Variants in NUDCD1 observed in about 807,000 individuals in gnomAD.
The protein encoded by NUDCD1 is nudC domain-containing protein 1.
A neutral mutation model predicts 67.8 loss-of-function variants in NUDCD1; 60 were observed. The ratio of observed to expected loss-of-function variants is 0.88; its 90% CI spans 0.72 to 1.10. The LOEUF is 1.10. Ranked by LOEUF, NUDCD1 falls within the 50% of genes least tolerant of loss-of-function variation. NUDCD1 has a pLI of 0.00. For missense variants in NUDCD1, 643 were observed against 695.0 expected (o/e 0.93, Z 0.84); for synonymous variants, 244 against 230.8 (o/e 1.06, Z -0.52).
chr8:109,266,353 G>A (rs1032491905), intron 8 of NUDCD1, among the ~76,000 whole-genome samples: 1 of 147,170 alleles, frequency 6.8e-6, no homozygotes, highest in African/African-American at 2.5e-5. Flanking sequence ...AGCCTCCCAA[G>A]TAGCTGGGAC....
At chr8:109,257,830 T>A (rs1268170013) in intron 8 of NUDCD1, among the ~76,000 whole-genome samples, 6 of 152,100 alleles carry the variant, frequency 3.9e-5, no homozygotes, top group African/African-American at 9.7e-5. Context: ...AGATAGCATA[T>A]AAATACATGT....
intron 1 of NUDCD1, among the ~76,000 whole-genome samples, chr8:109,324,250 C>T (rs1415697179): frequency 6.6e-6 from 1 of 150,796 alleles, no homozygotes; most frequent in Non-Finnish European, 1.5e-5. Flanking sequence ...TCTTAATAGA[C>T]ATTTCTCAAA....
At position 109,241,419 on chromosome 8, in the gene NUDCD1, G is replaced by A. The variant is rs1201504590; in HGVS notation, c.*1590C>T. On this transcript the variant is annotated 3_prime_UTR_variant, in exon 10 of 10. Transcript: ENST00000239690. ...TTTTTAATAATTCACTATTTAAATG[G>A]TCTTTTGTTTCATGAAGTTTTACAA... 1 of 151,978 alleles carries A rather than the reference G, an allele frequency of 6.6e-6. No homozygotes were observed. The highest frequency in any genetic ancestry group is 1.5e-5 in the Non-Finnish European group (1 of 67,982). 9.4% of individuals were successfully genotyped at this position (151,978 alleles called of 1,614,324 possible). A position where few individuals can be genotyped will look rare whatever the true frequency, so the allele number is the denominator to read the frequency against.
intron 1 of NUDCD1, among the ~76,000 whole-genome samples, chr8:109,323,382 T>C (rs951517464): frequency 6.6e-6 from 1 of 152,034 alleles, no homozygotes; most frequent in East Asian, 1.9e-4. Flanking sequence ...TAAAAATAAA[T>C]AAATAAAATT....
intron 4 of NUDCD1, among the ~76,000 whole-genome samples, chr8:109,291,679 G>C (rs2130024131): frequency 6.6e-6 from 1 of 152,154 alleles, no homozygotes; most frequent in East Asian, 1.9e-4. Flanking sequence ...AAAGATAAAG[G>C]GAACAATAAA....
intron 1 of NUDCD1, among the ~76,000 whole-genome samples, chr8:109,327,009 T>A (rs535368367): frequency 4.6e-5 from 7 of 152,320 alleles, no homozygotes; most frequent in African/African-American, 1.7e-4. Flanking sequence ...GTCTAATATT[T>A]ACATAAGCAA....
chr8:109,268,695 A>G (rs566113061), intron 8 of NUDCD1, among the ~76,000 whole-genome samples: 2 of 152,312 alleles, frequency 1.3e-5, no homozygotes, highest in South Asian at 2.1e-4. Context: ...ACCTAAAACT[A>G]TAACGTTAAG....
At chr8:109,333,373 G>A (rs76011106) in intron 1 of NUDCD1, among the ~76,000 whole-genome samples, 6,904 of 152,220 alleles carry the variant, frequency 0.045, 548 homozygotes, top group African/African-American at 0.16. Flanking sequence ...ATCTTCTAGA[G>A]ATGTTCTCTA....
chr8:109,309,263 T>A (rs1416719392), intron 2 of NUDCD1, among the ~76,000 whole-genome samples: 2 of 152,196 alleles, frequency 1.3e-5, no homozygotes, highest in Non-Finnish European at 2.9e-5. Flanking sequence ...TAATCCACCA[T>A]GATCAAGTGG....
rs1336111034 is a variant in NUDCD1 at position 109,243,188 on chromosome 8, G to A, written c.1573C>T (p.Pro525Ser). Reference sequence around the variant, plus strand: ...CTGTTGTAAAGTACAGTGGACATGGGAGCAGGCTGACGATAGATGAATACT... The same window carrying A: ...CTGTTGTAAAGTACAGTGGACATGGAAGCAGGCTGACGATAGATGAATACT... The part of the protein sequence containing the change: ...RRVFIYRQPA[P>S]MSTVLYNRKE... Residue 525 changes from proline (P) to serine (S), a missense_variant, in exon 10 of 10, where the codon CCC becomes TCC. Coordinates refer to ENST00000239690, the MANE Select transcript of NUDCD1 (RefSeq NM_032869.4). The A allele has an allele frequency of 1.9e-6, 3 of 1,613,654 alleles. No individual in the cohort carries two copies. Among genetic ancestry groups the A allele is most frequent in the East Asian group, 2.2e-5 (1 of 44,890 alleles).
chr8:109,278,822 T>G (rs1431395210), intron 6 of NUDCD1, among the ~76,000 whole-genome samples: 1 of 152,234 alleles, frequency 6.6e-6, no homozygotes, highest in African/African-American at 2.4e-5. Context: ...TTTCTGGCTT[T>G]TATAAGTATG....
chr8:109,323,700 G>A (rs1380508838), intron 1 of NUDCD1, among the ~76,000 whole-genome samples: 1 of 151,978 alleles, frequency 6.6e-6, no homozygotes. Context: ...ACTTCTACAA[G>A]AAAACTACAA....
chr8:109,263,071 A>AAAAAAAAAC (rs1554611972), intron 8 of NUDCD1, among the ~76,000 whole-genome samples: 3 of 150,192 alleles, frequency 2.0e-5, no homozygotes, highest in Admixed American at 6.6e-5. Context: ...AAAAAAAAAA[A>AAAAAAAAAC]AAAAAAAACC....
chr8:109,263,054 CAA>C (rs59659347), intron 8 of NUDCD1, among the ~76,000 whole-genome samples: 168 of 41,988 alleles, frequency 4.0e-3, no homozygotes, highest in African/African-American at 0.014. Flanking sequence ...GACTCTGTCT[CAA>C]AAAAAAAAAA....
In NUDCD1 at chr8:109,287,768, G is replaced by A. The variant is rs80276443; in HGVS notation, c.823+1983C>T. Among the ~76,000 whole-genome samples, 321 of 152,166 alleles carry A rather than the reference G, an allele frequency of 2.1e-3. 3 individuals are homozygous for A. The East Asian group carries it at 0.042, about 20-fold the overall frequency. Reference sequence around the variant, plus strand: ...GTAAAAGAACATTGACATGTACCCCGTGAATATAAAATAGAAGTTGAAATT... The same window carrying A: ...GTAAAAGAACATTGACATGTACCCCATGAATATAAAATAGAAGTTGAAATT... On this transcript the variant is annotated intron_variant, in intron 5 of 9. Transcript: ENST00000239690.
intron 7 of NUDCD1, among the ~76,000 whole-genome samples, chr8:109,272,215 ATTAATT>A (rs1563666836): frequency 1.3e-5 from 2 of 152,080 alleles, no homozygotes; most frequent in East Asian, 1.9e-4. Flanking sequence ...ACAAGGTATT[ATTAATT>A]TTAATAGAAT....
chr8:109,323,746 G>A (rs1815594834), intron 1 of NUDCD1, among the ~76,000 whole-genome samples: 1 of 152,136 alleles, frequency 6.6e-6, no homozygotes, highest in African/African-American at 2.4e-5. Flanking sequence ...GACACAAATA[G>A]ACATCTCATG....
Position 109,245,359 on chromosome 8 carries a change from A to T in NUDCD1, c.1422T>A (p.Asp474Glu). The T allele has an allele frequency of 6.2e-7, 1 of 1,613,986 alleles. No individual in the cohort carries two copies. The highest frequency in any genetic ancestry group is 8.5e-7 in the Non-Finnish European group (1 of 1,179,930). Residue 474 changes from aspartate (D) to glutamate (E), a missense_variant, in exon 9 of 10, where the codon GAT becomes GAA. Transcript: ENST00000239690. Reference sequence around the variant, plus strand: ...AAGTTGCGATGTGCTCCCACATATCATCTTGTTTGCTGGAGTGTGGTTGCC... The same window carrying T: ...AAGTTGCGATGTGCTCCCACATATCTTCTTGTTTGCTGGAGTGTGGTTGCC... ...LLWQPHSSKQ[D>E]DMWEHIATFN...
intron 4 of NUDCD1, 73 bp from the exon 5 acceptor site, chr8:109,290,006 T>C: frequency 3.1e-6 from 2 of 654,534 alleles, no homozygotes; most frequent in Non-Finnish European, 4.9e-6. Flanking sequence ...TATTTAAAAA[T>C]TGATTTTAAT....
Sources: allele counts gnomAD v4.1 joint callset (sites outside exome capture counted in the v4.1 genomes callset), GRCh38; gene constraint gnomAD v4.1.1; transcripts MANE v1.5; gene names NCBI Gene and HGNC (gene_info 2026-07-23, HGNC 2026-07-21).